Variants in FER observed in about 807,000 individuals in gnomAD.
FER encodes the protein tyrosine-protein kinase Fer.
FER carries 63 observed loss-of-function variants against 111.0 expected under a neutral mutation model. The ratio of observed to expected loss-of-function variants is 0.57; its 90% CI spans 0.46 to 0.70. The LOEUF (loss-of-function observed/expected upper bound fraction) is 0.70, where lower values mean the gene tolerates loss of function less well. Ranked by LOEUF, FER falls within the 30% of genes least tolerant of loss-of-function variation. FER has a pLI of 0.00. For synonymous variants in FER, 327 were observed against 313.9 expected, an observed-to-expected ratio of 1.04 and a Z score of -0.44; for missense variants, 914 against 954.0, an observed-to-expected ratio of 0.96 and a Z score of 0.55.
chr5:108,935,143 A>G (rs1272726262), intron 10 of FER, among the ~76,000 whole-genome samples: 1 of 152,080 alleles, frequency 6.6e-6, no homozygotes, highest in Admixed American at 6.6e-5. Context: ...TCCATAAAAA[A>G]TTACCACAAA....
At chr5:108,751,980 G>C (rs1750559864) in intron 1 of FER, among the ~76,000 whole-genome samples, 1 of 151,974 alleles carries the variant, frequency 6.6e-6, no homozygotes, top group Non-Finnish European at 1.5e-5. Flanking sequence ...CGTTCATATA[G>C]TAATTTCTTA....
chr5:108,967,759 C>CA (rs774855414), intron 13 of FER, among the ~76,000 whole-genome samples: 5,713 of 33,648 alleles, frequency 0.17, 663 homozygotes, highest in Non-Finnish European at 0.22. Context: ...GACTCCGTCT[C>CA]AAAAAAAAAA....
At chr5:108,968,983 T>TTAG (rs1561694300) in intron 13 of FER, among the ~76,000 whole-genome samples, 71 of 152,220 alleles carry the variant, frequency 4.7e-4, no homozygotes, top group African/African-American at 1.7e-3. Context: ...ATATATTTAT[T>TTAG]CACCTATTAG....
intron 16 of FER, among the ~76,000 whole-genome samples, chr5:109,060,316 A>G (rs754107457): frequency 2.6e-5 from 4 of 152,184 alleles, no homozygotes; most frequent in Non-Finnish European, 4.4e-5. Context: ...ACAAAACAAC[A>G]AACTCAAGAG....
At chr5:109,149,309 G>C (rs1754566460) in intron 17 of FER, among the ~76,000 whole-genome samples, 1 of 152,100 alleles carries the variant, frequency 6.6e-6, no homozygotes, top group Admixed American at 6.5e-5. Context: ...TTGTAATAGG[G>C]ATGGGAGGGA....
chr5:109,105,997 T>TTA (rs1748874062), intron 17 of FER, among the ~76,000 whole-genome samples: 1 of 152,162 alleles, frequency 6.6e-6, no homozygotes, highest in Non-Finnish European at 1.5e-5. Flanking sequence ...GTTAGGGAGT[T>TTA]TGAGTATCGT....
At chr5:108,910,426 C>T (rs1751381563) in intron 10 of FER, among the ~76,000 whole-genome samples, 1 of 152,110 alleles carries the variant, frequency 6.6e-6, no homozygotes, top group African/African-American at 2.4e-5. Context: ...CCACACTTAG[C>T]ATAATTTCCC....
At chr5:108,922,350 C>T (rs960268143) in intron 10 of FER, among the ~76,000 whole-genome samples, 1 of 152,162 alleles carries the variant, frequency 6.6e-6, no homozygotes, top group African/African-American at 2.4e-5. Context: ...AGAGGAGGGT[C>T]TTCCTAGTGA....
chr5:108,952,509 C>G (rs1214199325), intron 11 of FER, among the ~76,000 whole-genome samples: 1 of 151,768 alleles, frequency 6.6e-6, no homozygotes, highest in Non-Finnish European at 1.5e-5. Flanking sequence ...CATACACTGA[C>G]AGTAAGTTCA....
At chr5:109,145,259 GA>G (rs973391717) in intron 17 of FER, among the ~76,000 whole-genome samples, 1 of 151,876 alleles carries the variant, frequency 6.6e-6, no homozygotes, top group African/African-American at 2.4e-5. Flanking sequence ...CTCTCACTTG[GA>G]CTTGCACAGC....
chr5:109,031,249 A>C (rs970894904), intron 13 of FER, among the ~76,000 whole-genome samples: 5 of 152,116 alleles, frequency 3.3e-5, no homozygotes, highest in Non-Finnish European at 4.4e-5. Context: ...TCCTGCCACT[A>C]TTCTGTTCTC....
chr5:109,006,385 C>T (rs757000240), intron 13 of FER, among the ~76,000 whole-genome samples: 2 of 152,094 alleles, frequency 1.3e-5, no homozygotes, highest in Non-Finnish European at 2.9e-5. Context: ...GTTTTATAAA[C>T]GGGAGTTCCT....
intron 17 of FER, among the ~76,000 whole-genome samples, chr5:109,127,523 C>T (rs1751865144): frequency 6.6e-6 from 1 of 152,120 alleles, no homozygotes; most frequent in African/African-American, 2.4e-5. Flanking sequence ...CCTGCCTCAG[C>T]CTGCTGAGTA....
chr5:108,841,084 GA>G (rs1761218224), intron 5 of FER, among the ~76,000 whole-genome samples: 1 of 152,196 alleles, frequency 6.6e-6, no homozygotes, highest in Non-Finnish European at 1.5e-5. Flanking sequence ...CTGGAAATGG[GA>G]AAACAATTCC....
chr5:108,845,031 T>TAC (rs1761830486), intron 5 of FER, among the ~76,000 whole-genome samples: 3 of 56,020 alleles, frequency 5.4e-5, no homozygotes, highest in African/African-American at 2.0e-4. Context: ...TATATATATA[T>TAC]ATATATATAC....
intron 13 of FER, among the ~76,000 whole-genome samples, chr5:108,964,797 G>C (rs992432311): frequency 1.3e-5 from 2 of 151,998 alleles, no homozygotes; most frequent in African/African-American, 4.8e-5. Flanking sequence ...TAGTAGAATA[G>C]GCCATCCAAA....
At chr5:108,922,799 C>T (rs1442619770) in intron 10 of FER, among the ~76,000 whole-genome samples, 2 of 152,046 alleles carry the variant, frequency 1.3e-5, no homozygotes, top group African/African-American at 2.4e-5. Context: ...TATATCAACA[C>T]TTAAGTAGAA....
At position 108,995,584 on chromosome 5, in the gene FER, A is replaced by G. The variant is rs188974957; in HGVS notation, c.1656+36237A>G. ...TTTCAGCTTCATCCATGTCCCTGCA[A>G]AAACATGAACTCATCCTTTTTTATG... On this transcript the variant is annotated intron_variant, in intron 13 of 19. Coordinates refer to ENST00000281092, the MANE Select transcript of FER (RefSeq NM_005246.4). Among the ~76,000 whole-genome samples, 8 of 152,340 alleles carry G rather than the reference A, an allele frequency of 5.3e-5. No homozygotes were observed. The East Asian group carries it at 1.5e-3, about 29-fold the overall frequency.
chr5:108,961,830 T>G (rs1446976941), intron 13 of FER, among the ~76,000 whole-genome samples: 1 of 152,226 alleles, frequency 6.6e-6, no homozygotes, highest in Non-Finnish European at 1.5e-5. Context: ...TTATTTGTAC[T>G]CTTATAACTG....
Sources: allele counts gnomAD v4.1 joint callset (sites outside exome capture counted in the v4.1 genomes callset), GRCh38; gene constraint gnomAD v4.1.1; transcripts MANE v1.5; gene names NCBI Gene and HGNC (gene_info 2026-07-23, HGNC 2026-07-21).